TCEANC2: variants seen among roughly 807,000 people sequenced by gnomAD.
TCEANC2 encodes transcription elongation factor A N-terminal and central domain-containing protein 2.
A neutral mutation model predicts 22.8 loss-of-function variants in TCEANC2; 20 were observed. The ratio of observed to expected loss-of-function variants is 0.88; its 90% confidence interval spans 0.62 to 1.28. The LOEUF is 1.28. TCEANC2 is among the 50% of genes most tolerant of loss of function. The pLI, the probability that TCEANC2 is intolerant of heterozygous loss-of-function variation, is 0.00. For synonymous variants in TCEANC2, 84 were observed against 95.5 expected (o/e 0.88, Z 0.70); for missense variants, 251 against 249.7 (o/e 1.01, Z -0.03).
intron 2 of TCEANC2, among the ~76,000 whole-genome samples, chr1:54,056,588 G>C (rs1042426342): frequency 1.3e-5 from 2 of 151,916 alleles, no homozygotes; most frequent in African/African-American, 2.4e-5. Context: ...GCCTCCCAAA[G>C]TGCTGGGATT....
intron 3 of TCEANC2, 37 bp downstream of exon 3, chr1:54,068,934 T>C: frequency 6.7e-7 from 1 of 1,494,648 alleles, no homozygotes; most frequent in Non-Finnish European, 8.9e-7. Flanking sequence ...TAAGAAAGCT[T>C]ATATTTTGTC....
At chr1:54,108,439 G>A (rs539197811), downstream of TCEANC2, among the ~76,000 whole-genome samples, 294 of 152,282 alleles carry the variant, frequency 1.9e-3, no homozygotes, top group African/African-American at 6.6e-3. Flanking sequence ...TATGACTGGT[G>A]TCCTTATAAG....
intron 1 of TCEANC2, chr1:54,054,167 A>T: frequency 1.6e-6 from 2 of 1,229,158 alleles, no homozygotes; most frequent in Non-Finnish European, 2.2e-6. Flanking sequence ...GGAAGCTAGG[A>T]ACCTCCTAAC....
chr1:54,089,348 C>A (rs1413982277), intron 4 of TCEANC2, among the ~76,000 whole-genome samples: 1 of 152,078 alleles, frequency 6.6e-6, no homozygotes, highest in African/African-American at 2.4e-5. Flanking sequence ...AGACTCAGAT[C>A]CCCCATTTTT....
At chr1:54,058,231 C>A (rs1276373109) in intron 2 of TCEANC2, among the ~76,000 whole-genome samples, 1 of 152,170 alleles carries the variant, frequency 6.6e-6, no homozygotes, top group African/African-American at 2.4e-5. Flanking sequence ...AAATCCTATT[C>A]ATCTCCCATG....
intron 4 of TCEANC2, among the ~76,000 whole-genome samples, chr1:54,095,748 C>T (rs921949413): frequency 6.6e-6 from 1 of 152,214 alleles, no homozygotes; most frequent in Non-Finnish European, 1.5e-5. Flanking sequence ...AGTCCCAGCT[C>T]TGTCTCTTAG....
intron 4 of TCEANC2, among the ~76,000 whole-genome samples, chr1:54,093,619 C>T (rs1434942541): frequency 6.6e-6 from 1 of 152,086 alleles, no homozygotes; most frequent in East Asian, 1.9e-4. Flanking sequence ...TTGTGATGGG[C>T]AGGGTTCACA....
At chr1:54,110,822 G>A (rs999490212), downstream of TCEANC2, among the ~76,000 whole-genome samples, 3 of 152,002 alleles carry the variant, frequency 2.0e-5, no homozygotes, top group Admixed American at 6.6e-5. Flanking sequence ...GCAGCTGCAT[G>A]CACTCTTCCC....
At chr1:54,090,712 A>G (rs576187918) in intron 4 of TCEANC2, among the ~76,000 whole-genome samples, 2 of 152,276 alleles carry the variant, frequency 1.3e-5, no homozygotes, top group South Asian at 4.1e-4. Flanking sequence ...TGTAAGTCTG[A>G]TTTTCCAGAG....
intron 4 of TCEANC2, among the ~76,000 whole-genome samples, chr1:54,090,908 T>C (rs1658434077): frequency 6.6e-6 from 1 of 152,198 alleles, no homozygotes; most frequent in South Asian, 2.1e-4. Flanking sequence ...TAATGAGCAG[T>C]TTGCCTACTG....
At chr1:54,080,385 C>A (rs1218958637) in intron 3 of TCEANC2, among the ~76,000 whole-genome samples, 2 of 152,050 alleles carry the variant, frequency 1.3e-5, no homozygotes, top group Non-Finnish European at 2.9e-5. Context: ...CTCATGTGAT[C>A]TCCCCACCTC....
intron 3 of TCEANC2, among the ~76,000 whole-genome samples, chr1:54,080,293 A>G (rs1377577685): frequency 2.0e-5 from 3 of 151,684 alleles, no homozygotes; most frequent in African/African-American, 7.3e-5. Flanking sequence ...ACAGGCGTGC[A>G]CCACCATGCC....
At chr1:54,069,904 GT>G in intron 3 of TCEANC2, among the ~76,000 whole-genome samples, 1 of 152,316 alleles carries the variant, frequency 6.6e-6, no homozygotes, top group African/African-American at 2.4e-5. Context: ...GGGCCAACAT[GT>G]GTTACTCAAG....
At chr1:54,080,552 C>G (rs1169436862) in intron 3 of TCEANC2, among the ~76,000 whole-genome samples, 3 of 152,212 alleles carry the variant, frequency 2.0e-5, no homozygotes, top group African/African-American at 4.8e-5. Flanking sequence ...TTGGGGTTCC[C>G]CCTTCAATAC....
At chr1:54,067,190 T>A (rs1246074229) in intron 2 of TCEANC2, among the ~76,000 whole-genome samples, 1 of 152,212 alleles carries the variant, frequency 6.6e-6, no homozygotes. Flanking sequence ...GGGAGGGCTG[T>A]TACCCGCCGA....
rs12067282 is a variant in TCEANC2 at position 54,081,875 on chromosome 1, G to A, written c.245-6722G>A. The stretch of plus-strand genomic sequence containing the variant: ...GCCAAAAGCAGTGACTCCACTGTCC[G>A]GACCTGAGAGTTGAAGCTTTCTGTC... On this transcript the variant is annotated intron_variant, in intron 3 of 4. Coordinates refer to ENST00000234827, the MANE Select transcript of TCEANC2 (RefSeq NM_153035.3). Among the ~76,000 whole-genome samples the A allele has an allele frequency of 1.7e-3, 266 of 152,264 alleles. 1 individual carries two copies. The highest frequency in any genetic ancestry group is 6.1e-3 in the African/African-American group (252 of 41,542).
At position 54,104,113 on chromosome 1, in the gene TCEANC2, T is replaced by C. The variant is rs1217929782; in HGVS notation, c.*7640T>C. ...CTGCCATCCTCCAGGGTGCAGCACA[T>C]GTTCGAAATCAAAGACCGTTACGTG... On this transcript the variant is annotated 3_prime_UTR_variant, in exon 5 of 5. Coordinates refer to ENST00000234827, the MANE Select transcript of TCEANC2 (RefSeq NM_153035.3). 1 of 152,408 alleles carries C rather than the reference T, an allele frequency of 6.6e-6. No individual in the cohort carries two copies. Among genetic ancestry groups the C allele is most frequent in the Non-Finnish European group, 1.5e-5 (1 of 68,188 alleles). 9.4% of individuals were successfully genotyped at this position (152,408 alleles called of 1,614,324 possible). A position where few individuals can be genotyped will look rare whatever the true frequency, so the allele number is the denominator to read the frequency against.
intron 2 of TCEANC2, among the ~76,000 whole-genome samples, chr1:54,056,316 TC>T (rs1361553963): frequency 3.6e-4 from 54 of 151,200 alleles, no homozygotes; most frequent in African/African-American, 1.3e-3. Flanking sequence ...TCTTTTCTTT[TC>T]TTTTTTTTTG....
chr1:54,110,008 A>G (rs971935348), downstream of TCEANC2, among the ~76,000 whole-genome samples: 1 of 152,222 alleles, frequency 6.6e-6, no homozygotes, highest in Non-Finnish European at 1.5e-5. Flanking sequence ...GGACTTAAGC[A>G]GATCAAATAG....
Sources: gnomAD v4.1 joint callset for allele counts (sites outside exome capture counted in the v4.1 genomes callset) on GRCh38, gnomAD v4.1.1 for gene constraint, MANE v1.5 for transcripts, NCBI Gene and HGNC (gene_info 2026-07-23, HGNC 2026-07-21) for gene names.